The following SLC22A4 variants were observed in gnomAD, a reference collection of about 807,000 sequenced individuals.
SLC22A4 encodes ET transporter.
Under a neutral mutation model 56.6 loss-of-function variants are expected in SLC22A4, and 39 were observed. The observed-to-expected ratio is 0.69, with a 90% CI of 0.53 to 0.90. SLC22A4 has a LOEUF of 0.90. Ranked by LOEUF, SLC22A4 falls within the 40% of genes least tolerant of loss-of-function variation. SLC22A4 has a pLI of 0.00. For missense variants in SLC22A4, 594 were observed against 696.5 expected (o/e 0.85, Z 1.66); for synonymous variants, 241 against 281.4 (o/e 0.86, Z 1.44).
At chr5:132,302,578 A>G (rs1326377032) in intron 1 of SLC22A4, among the ~76,000 whole-genome samples, 1 of 152,208 alleles carries the variant, frequency 6.6e-6, no homozygotes, top group Non-Finnish European at 1.5e-5. Context: ...AGAAGCACAG[A>G]CAGTCCAAGG....
chr5:132,305,533 A>T (rs1750007160), intron 1 of SLC22A4, among the ~76,000 whole-genome samples: 1 of 152,198 alleles, frequency 6.6e-6, no homozygotes, highest in Non-Finnish European at 1.5e-5. Context: ...CGAAGGGAAA[A>T]TTTTGAAAGC....
At chr5:132,333,883 G>A (rs1750937545) in intron 6 of SLC22A4, among the ~76,000 whole-genome samples, 1 of 152,080 alleles carries the variant, frequency 6.6e-6, no homozygotes, top group African/African-American at 2.4e-5. Context: ...TCAGCTCACT[G>A]CAACCTTCGC....
At chr5:132,316,247 G>A (rs1750352970) in intron 3 of SLC22A4, among the ~76,000 whole-genome samples, 1 of 152,302 alleles carries the variant, frequency 6.6e-6, no homozygotes, top group East Asian at 1.9e-4. Flanking sequence ...TTTAAAAAAT[G>A]ATCAAGGCTG....
chr5:132,332,215 G>A (rs1750879357), intron 6 of SLC22A4: 1 of 308,158 alleles, frequency 3.2e-6, no homozygotes. Flanking sequence ...TTGGGAGGCT[G>A]AGGCAGGAGA....
At chr5:132,302,630 T>G (rs1580820083) in intron 1 of SLC22A4, among the ~76,000 whole-genome samples, 1 of 152,160 alleles carries the variant, frequency 6.6e-6, no homozygotes, top group African/African-American at 2.4e-5. Flanking sequence ...GGAGGGCAGG[T>G]TCAGGCGGCA....
Position 132,342,725 on chromosome 5 carries a change from T to C in SLC22A4, c.1581-1035T>C, listed in dbSNP as rs531455984. Among the ~76,000 whole-genome samples, 3 of 152,322 alleles carry C rather than the reference T, an allele frequency of 2.0e-5. No homozygotes were observed. The South Asian group carries it at 6.2e-4, about 32-fold the overall frequency. ...CAGAACACTGGCCACTAGCGGTTTC[T>C]TACAAAGGATACAAATGAACAGCCA... On this transcript the variant is annotated intron_variant, in intron 9 of 9. Transcript: ENST00000200652.
chr5:132,335,704 A>T, intron 7 of SLC22A4, 114 bp from the exon 8 acceptor site: 1 of 882,756 alleles, frequency 1.1e-6, no homozygotes, highest in Non-Finnish European at 1.9e-6. Context: ...TTTTGGGAAT[A>T]TATTTATGTT....
chr5:132,324,799 A>G (rs1750643626), intron 4 of SLC22A4, among the ~76,000 whole-genome samples: 2 of 152,324 alleles, frequency 1.3e-5, no homozygotes, highest in African/African-American at 4.8e-5. Flanking sequence ...GAGAGATTAT[A>G]GTGTGCTACC....
intron 6 of SLC22A4, among the ~76,000 whole-genome samples, chr5:132,334,443 A>G (rs764980629): frequency 2.0e-5 from 3 of 152,136 alleles, no homozygotes; most frequent in Non-Finnish European, 4.4e-5. Context: ...AGCACTGTCC[A>G]ATAGAACTTT....
At position 132,334,464 on chromosome 5, in the gene SLC22A4, G is replaced by A. The variant is rs116851231; in HGVS notation, c.1047-254G>A. Among the ~76,000 whole-genome samples the A allele has an allele frequency of 1.3e-3, 193 of 152,302 alleles. No homozygotes were observed. In the East Asian group the frequency reaches 0.015, roughly 12 times the overall value. On this transcript the variant is annotated intron_variant, in intron 6 of 9. Transcript: ENST00000200652. ...GTCCAATAGAACTTTCTGCAGTGAC[G>A]GAAATGTTTCATATCTATGTCGTTC...
At chr5:132,307,441 G>C (rs958282687) in intron 1 of SLC22A4, among the ~76,000 whole-genome samples, 1 of 152,120 alleles carries the variant, frequency 6.6e-6, no homozygotes, top group African/African-American at 2.4e-5. Context: ...TTTTAGTAAT[G>C]GACTGGAATA....
rs1354039065 is a variant in SLC22A4 at position 132,319,319 on chromosome 5, GA to G, written c.653-2857del. 1.5e-3 allele frequency among the ~76,000 whole-genome samples: 210 copies of G among 136,014 alleles called. 1 individual carries two copies. Among genetic ancestry groups the G allele is most frequent in the African/African-American group, 6.2e-3 (200 of 32,470 alleles). 89.2% of individuals were successfully genotyped at this position (136,014 alleles called of 152,430 possible). A position where few individuals can be genotyped will look rare whatever the true frequency, so the allele number is the denominator to read the frequency against. On this transcript the variant is annotated intron_variant, in intron 3 of 9. Coordinates refer to ENST00000200652, the MANE Select transcript of SLC22A4 (RefSeq NM_003059.3). ...TCTGTCTCAAAAAAAAAAAAAAAAA[GA>G]AAAAAAAGAAAAACTGTAAAAATGA...
intron 3 of SLC22A4, among the ~76,000 whole-genome samples, chr5:132,317,979 A>G (rs1480353681): frequency 6.6e-6 from 1 of 152,194 alleles, no homozygotes; most frequent in Non-Finnish European, 1.5e-5. Flanking sequence ...ACTCCTGTCT[A>G]TTCACAAGGA....
chr5:132,333,795 CT>C (rs59505471), intron 6 of SLC22A4, among the ~76,000 whole-genome samples: 4,117 of 151,834 alleles, frequency 0.027, 130 homozygotes, highest in African/African-American at 0.077. Flanking sequence ...AGAGAAGCTT[CT>C]TTTTTTTATT....
intron 1 of SLC22A4, among the ~76,000 whole-genome samples, chr5:132,300,788 C>A (rs1749890828): frequency 6.6e-6 from 1 of 152,178 alleles, no homozygotes; most frequent in Admixed American, 6.5e-5. Context: ...CAGCTCGTTG[C>A]TAAGTTTTCC....
At chr5:132,320,801 G>A (rs1013169625) in intron 3 of SLC22A4, 6 of 152,230 alleles carry the variant, frequency 3.9e-5, no homozygotes, top group Non-Finnish European at 8.8e-5. Flanking sequence ...AAACATGACT[G>A]AGAAAATCTC....
chr5:132,307,728 G>A (rs1252864014), intron 1 of SLC22A4, among the ~76,000 whole-genome samples: 1 of 152,116 alleles, frequency 6.6e-6, no homozygotes, highest in East Asian at 1.9e-4. Context: ...TGAATGGATT[G>A]CCCAACATCA....
chr5:132,298,700 C>T lies in SLC22A4; in HGVS notation c.393+3691C>T, dbSNP rs183522522. On this transcript the variant is annotated intron_variant, in intron 1 of 9. Transcript: ENST00000200652. ...ACTCAGTGAGATAATGCCCCATGCC[C>T]CATCCGGTGGTGGCCAGCACAGAGT... 1.7e-3 allele frequency among the ~76,000 whole-genome samples: 266 copies of T among 152,308 alleles called. 2 individuals are homozygous for T. Among genetic ancestry groups the T allele is most frequent in the African/African-American group, 5.8e-3 (242 of 41,578 alleles).
chr5:132,307,990 A>G (rs1311954768), intron 1 of SLC22A4, among the ~76,000 whole-genome samples: 2 of 152,214 alleles, frequency 1.3e-5, no homozygotes, highest in Non-Finnish European at 2.9e-5. Flanking sequence ...CTGATTTTCT[A>G]TGACTCCTAA....
Sources: allele counts gnomAD v4.1 joint callset (sites outside exome capture counted in the v4.1 genomes callset), GRCh38; gene constraint gnomAD v4.1.1; transcripts MANE v1.5; gene names NCBI Gene and HGNC (gene_info 2026-07-23, HGNC 2026-07-21).